Variants in LRIF1 observed in about 807,000 individuals in gnomAD.
The protein encoded by LRIF1 is ligand-dependent nuclear receptor-interacting factor 1.
Under a neutral mutation model 52.7 loss-of-function variants are expected in LRIF1, and 32 were observed. The ratio of observed to expected loss-of-function variants is 0.61; its 90% CI spans 0.46 to 0.82. The LOEUF (loss-of-function observed/expected upper bound fraction) is 0.82, where lower values mean the gene tolerates loss of function less well. LRIF1 is among the 40% of genes least tolerant of loss of function. The pLI is 0.00. For synonymous variants in LRIF1, 323 were observed against 317.4 expected, an observed-to-expected ratio of 1.02 and a Z score of -0.19; for missense variants, 887 against 892.0, an observed-to-expected ratio of 0.99 and a Z score of 0.07.
chr1:110,934,853 C>A, the LRIF1 span, among the ~76,000 whole-genome samples: 2 of 152,136 alleles, frequency 1.3e-5, no homozygotes. Flanking sequence ...TGAACATAGA[C>A]AATAGCCAGG....
chr1:110,955,596 G>A (rs1163585580), intron 1 of LRIF1, among the ~76,000 whole-genome samples: 1 of 152,286 alleles, frequency 6.6e-6, no homozygotes, highest in East Asian at 1.9e-4. Context: ...AATAGGATAA[G>A]GATTAAAAAT....
chr1:110,878,793 T>C, the LRIF1 span, among the ~76,000 whole-genome samples: 1 of 152,342 alleles, frequency 6.6e-6, no homozygotes, highest in Non-Finnish European at 1.5e-5. Flanking sequence ...TTTTCCAACA[T>C]GTCTTAACAG....
At chr1:110,887,917 G>T in the LRIF1 span, among the ~76,000 whole-genome samples, 1 of 152,174 alleles carries the variant, frequency 6.6e-6, no homozygotes, top group Non-Finnish European at 1.5e-5. Context: ...TTGAAGTTGT[G>T]ATTAAATCAA....
At chr1:110,930,440 C>T in the LRIF1 span, among the ~76,000 whole-genome samples, 2 of 152,104 alleles carry the variant, frequency 1.3e-5, no homozygotes, top group East Asian at 3.9e-4. Context: ...GGGCTCTTTT[C>T]CCCGCTTGCA....
chr1:110,883,436 C>T, the LRIF1 span, among the ~76,000 whole-genome samples: 1 of 151,858 alleles, frequency 6.6e-6, no homozygotes. Flanking sequence ...TGTTCTATAT[C>T]GTTAGATGCT....
chr1:110,951,921 A>C lies in LRIF1; in HGVS notation c.963T>G (p.Phe321Leu), dbSNP rs564573871. ...TATCTCCCAAATTTTTCCTATCTAC[A>C]AAAGTTTTTAAAATCTTTGAAGCCA... The part of the protein sequence containing the change: ...NNVASKILKT[F>L]VDRKNLGDNT... The change falls in exon 2 of 4, where the codon TTT becomes TTG. Residue 321 changes from phenylalanine (F) to leucine (L), a missense_variant. By Grantham distance (22) the Phe-to-Leu change is conservative. Transcript: ENST00000369763. 7 of 1,614,020 alleles carry C rather than the reference A, an allele frequency of 4.3e-6. No homozygotes were observed. The highest frequency in any genetic ancestry group is 5.9e-6 in the Non-Finnish European group (7 of 1,179,988).
chr1:110,877,358 A>C, the LRIF1 span, among the ~76,000 whole-genome samples: 2 of 152,204 alleles, frequency 1.3e-5, no homozygotes, highest in African/African-American at 2.4e-5. Flanking sequence ...GCCAGCCTGC[A>C]GACACCATGG....
the LRIF1 span, among the ~76,000 whole-genome samples, chr1:110,902,088 C>A: frequency 6.6e-6 from 1 of 151,662 alleles, no homozygotes; most frequent in African/African-American, 2.4e-5. Context: ...CTACTATCTG[C>A]TCTTCTAGTA....
chr1:110,895,249 C>G, the LRIF1 span, among the ~76,000 whole-genome samples: 1 of 152,212 alleles, frequency 6.6e-6, no homozygotes, highest in African/African-American at 2.4e-5. Context: ...TCTACATTCT[C>G]TCTTTCATCC....
intron 1 of LRIF1, among the ~76,000 whole-genome samples, chr1:110,959,136 T>A (rs1472819384): frequency 1.3e-5 from 2 of 152,178 alleles, no homozygotes; most frequent in Admixed American, 1.3e-4. Context: ...CTAATTACTT[T>A]AAAGTAATTA....
Position 110,955,744 on chromosome 1 carries a change from C to A in LRIF1, c.69-2929G>T, listed in dbSNP as rs142757743. 1.3e-3 allele frequency among the ~76,000 whole-genome samples: 202 copies of A among 152,190 alleles called. 1 individual carries two copies. Among genetic ancestry groups the A allele is most frequent in the Middle Eastern group, 6.8e-3 (2 of 294 alleles). ...ACTTTGACTGTCAAGGGGAAGAGAA[C>A]GACTGGCAGGAAGCTACAGGAATAA... On this transcript the variant is annotated intron_variant, in intron 1 of 3. Coordinates refer to ENST00000369763, the MANE Select transcript of LRIF1 (RefSeq NM_018372.4).
At chr1:110,961,876 A>T (rs1259303806) in intron 1 of LRIF1, among the ~76,000 whole-genome samples, 2 of 152,178 alleles carry the variant, frequency 1.3e-5, no homozygotes. Flanking sequence ...TCAGAAAGTC[A>T]TCTGGTAAAT....
the LRIF1 span, among the ~76,000 whole-genome samples, chr1:110,894,806 C>T: frequency 6.6e-6 from 1 of 152,170 alleles, no homozygotes; most frequent in Admixed American, 6.5e-5. Flanking sequence ...AGCCTGTATG[C>T]CCATAGATAA....
chr1:110,885,495 G>A, the LRIF1 span, among the ~76,000 whole-genome samples: 12 of 147,008 alleles, frequency 8.2e-5, no homozygotes, highest in Middle Eastern at 4.0e-3. Context: ...CCGAGATCGC[G>A]CCACTGCACT....
chr1:110,892,407 G>C, the LRIF1 span: 4 of 1,613,766 alleles, frequency 2.5e-6, no homozygotes, highest in Middle Eastern at 1.6e-4. Flanking sequence ...ACTTCGGAGT[G>C]CTCTTCCATA....
the LRIF1 span, among the ~76,000 whole-genome samples, chr1:110,889,760 C>T: frequency 1.3e-5 from 2 of 152,222 alleles, 1 homozygote; most frequent in Non-Finnish European, 2.9e-5. Context: ...AATTCTCACA[C>T]AGCTGTTTAG....
At chr1:110,957,522 T>C (rs1658756557) in intron 1 of LRIF1, among the ~76,000 whole-genome samples, 1 of 148,090 alleles carries the variant, frequency 6.8e-6, no homozygotes, top group African/African-American at 2.5e-5. Flanking sequence ...GCTTCAACTA[T>C]TTTCAACTAT....
At chr1:110,877,480 C>T in the LRIF1 span, among the ~76,000 whole-genome samples, 1 of 152,194 alleles carries the variant, frequency 6.6e-6, no homozygotes, top group South Asian at 2.1e-4. Flanking sequence ...TTTTAGGTAA[C>T]TGTTCCTGAT....
the LRIF1 span, among the ~76,000 whole-genome samples, chr1:110,886,869 A>ATATATATATATTT: frequency 3.1e-3 from 256 of 82,732 alleles, 1 homozygote; most frequent in East Asian, 4.7e-3. Flanking sequence ...ATATATATAT[A>ATATATATATATTT]TTTTTTTTTT....
Sources: gnomAD v4.1 joint callset for allele counts (sites outside exome capture counted in the v4.1 genomes callset) on GRCh38, gnomAD v4.1.1 for gene constraint, MANE v1.5 for transcripts, NCBI Gene and HGNC (gene_info 2026-07-23, HGNC 2026-07-21) for gene names.